Variants in DNAH12 observed in about 807,000 individuals in gnomAD.
The protein encoded by DNAH12 is axonemal beta dynein heavy chain 12.
DNAH12 carries 285 observed loss-of-function variants against 371.5 expected under a neutral mutation model. That is an observed-to-expected ratio of 0.77 (90% CI 0.70 to 0.85). DNAH12 has a LOEUF of 0.85. Ranked by LOEUF, DNAH12 falls within the 40% of genes least tolerant of loss-of-function variation. The pLI is 0.00. For synonymous variants in DNAH12, 1,200 were observed against 1,213.0 expected (o/e 0.99, Z 0.22); for missense variants, 3,611 against 3,689.4 (o/e 0.98, Z 0.55).
the DNAH12 span, among the ~76,000 whole-genome samples, chr3:57,553,556 A>C: frequency 6.6e-6 from 1 of 152,118 alleles, no homozygotes; most frequent in Non-Finnish European, 1.5e-5. Context: ...ACAGACACAC[A>C]CGTTTCCAGG....
At chr3:57,534,355 A>T (rs2068951861) in intron 2 of DNAH12, among the ~76,000 whole-genome samples, 1 of 151,978 alleles carries the variant, frequency 6.6e-6, no homozygotes, top group Admixed American at 6.6e-5. Context: ...GTTCTTATGA[A>T]GGTGTTTTTT....
At chr3:57,478,994 G>T (rs1178970843) in intron 13 of DNAH12, among the ~76,000 whole-genome samples, 1 of 152,138 alleles carries the variant, frequency 6.6e-6, no homozygotes, top group Non-Finnish European at 1.5e-5. Flanking sequence ...AGACCATCGA[G>T]GCTAGGAAGA....
intron 62 of DNAH12, among the ~76,000 whole-genome samples, chr3:57,332,143 ATTT>A (rs544520742): frequency 3.6e-4 from 55 of 152,132 alleles, no homozygotes; most frequent in Non-Finnish European, 6.9e-4. Flanking sequence ...GTCATGAATA[ATTT>A]TTTAACATTA....
chr3:57,551,420 C>T, the DNAH12 span, among the ~76,000 whole-genome samples: 1 of 151,716 alleles, frequency 6.6e-6, no homozygotes, highest in Non-Finnish European at 1.5e-5. Flanking sequence ...TACAGGCACC[C>T]ACGACCACGC....
chr3:57,311,261 G>C (rs1408017144), intron 66 of DNAH12, among the ~76,000 whole-genome samples: 1 of 152,122 alleles, frequency 6.6e-6, no homozygotes, highest in Non-Finnish European at 1.5e-5. Flanking sequence ...ATTTTTAGTA[G>C]AGACAGGGTT....
chr3:57,361,815 T>C, intron 58 of DNAH12, among the ~76,000 whole-genome samples: 1 of 152,038 alleles, frequency 6.6e-6, no homozygotes, highest in South Asian at 2.1e-4. Context: ...AATAATACCT[T>C]ACCAATCCAA....
intron 13 of DNAH12, among the ~76,000 whole-genome samples, chr3:57,474,901 G>A (rs1170245423): frequency 2.0e-5 from 3 of 151,844 alleles, no homozygotes; most frequent in Non-Finnish European, 2.9e-5. Context: ...TCTTGAACCC[G>A]GGAGGCAGAG....
chr3:57,411,660 G>A (rs1422720176), intron 39 of DNAH12, among the ~76,000 whole-genome samples: 1 of 150,694 alleles, frequency 6.6e-6, no homozygotes, highest in African/African-American at 2.4e-5. Flanking sequence ...GAGGAAAACT[G>A]TAAAACCCTG....
chr3:57,323,109 T>C lies in DNAH12; in HGVS notation c.10281A>G (p.Ala3427=). 1 of 1,552,442 alleles carries C rather than the reference T, an allele frequency of 6.4e-7. No homozygotes were observed. The highest frequency in any genetic ancestry group is 1.2e-5 in the South Asian group (1 of 84,064). The stretch of plus-strand genomic sequence containing the variant: ...TTTCCAACATGGGCATCCAGGACAC[T>C]GCAAGATGGCAATTCTGTAGGCACA... ...TWVCLQNCHL[A]VSWMPMLEKI... Residue 3427 remains alanine (A), a synonymous_variant, in exon 64 of 74, where the codon GCA becomes GCG. Transcript: ENST00000495027.
Position 57,372,112 on chromosome 3 carries a change from A to T in DNAH12, c.8759+3259T>A, listed in dbSNP as rs997784228. 5.8e-3 allele frequency among the ~76,000 whole-genome samples: 881 copies of T among 151,860 alleles called. 8 individuals carry two copies. Among genetic ancestry groups the T allele is most frequent in the African/African-American group, 0.02 (832 of 41,518 alleles). The stretch of plus-strand genomic sequence containing the variant: ...ACAATAGTTTATTGTATAATTCAAA[A>T]CTGCTAGAAAAGAAGAATTGGAATA... On this transcript the variant is annotated intron_variant, in intron 55 of 73. Coordinates refer to ENST00000495027, the MANE Select transcript of DNAH12 (RefSeq NM_001366028.2).
intron 11 of DNAH12, among the ~76,000 whole-genome samples, chr3:57,490,625 T>C (rs888953236): frequency 6.6e-6 from 1 of 152,142 alleles, no homozygotes; most frequent in African/African-American, 2.4e-5. Context: ...CCTTTTATTC[T>C]TCCTTCAGGA....
chr3:57,337,655 A>G (rs2062259273), intron 60 of DNAH12, among the ~76,000 whole-genome samples: 1 of 152,122 alleles, frequency 6.6e-6, no homozygotes, highest in African/African-American at 2.4e-5. Context: ...GTGAAACTCC[A>G]TCTCAAAAAA....
chr3:57,473,853 T>C (rs1263019550), intron 13 of DNAH12, among the ~76,000 whole-genome samples: 1 of 152,056 alleles, frequency 6.6e-6, no homozygotes, highest in Non-Finnish European at 1.5e-5. Flanking sequence ...TATTAATAGA[T>C]TAAAGAGAAA....
intron 36 of DNAH12, among the ~76,000 whole-genome samples, chr3:57,420,108 T>C (rs1159940048): frequency 6.6e-6 from 1 of 152,232 alleles, no homozygotes; most frequent in African/African-American, 2.4e-5. Flanking sequence ...GCTGTATTAA[T>C]TGTTATGATA....
At position 57,489,566 on chromosome 3, in the gene DNAH12, G is replaced by A; in HGVS notation, c.1457C>T (p.Ala486Val). The A allele has an allele frequency of 1.3e-6, 2 of 1,531,260 alleles. No homozygotes were observed. The highest frequency in any genetic ancestry group is 1.8e-6 in the Non-Finnish European group (2 of 1,140,386). 94.9% of individuals were successfully genotyped at this position (1,531,260 alleles called of 1,614,324 possible). ...LKTGLTNKAK[A>V]FANILLNDIA... ...GTCATTTAATAATATGTTTGCAAAG[G>A]CTTTTGCTTTATTTGTCAGGCCTGT... Residue 486 changes from alanine to valine, a missense_variant, in exon 12 of 74, where the codon GCC (alanine) becomes GTC (valine). Around this residue, in one of 3 missense-constraint regions of DNAH12, gnomAD observed 1,314 missense variants for 1,398.7 expected, o/e 0.94. Coordinates refer to ENST00000495027, the MANE Select transcript of DNAH12 (RefSeq NM_001366028.2).
At chr3:57,396,290 C>CAAAAAAAAAAAAAAAAAAAAA (rs1159748997) in intron 43 of DNAH12, among the ~76,000 whole-genome samples, 4 of 68,598 alleles carry the variant, frequency 5.8e-5, no homozygotes, top group Admixed American at 1.6e-4. Context: ...AAAAAAAAAA[C>CAAAAAAAAAAAAAAAAAAAAA]AAAAAAAAAA....
chr3:57,379,856 A>AT (rs2063351786), intron 51 of DNAH12, among the ~76,000 whole-genome samples: 1 of 150,150 alleles, frequency 6.7e-6, no homozygotes, highest in Non-Finnish European at 1.5e-5. Flanking sequence ...AAAAAAAAAA[A>AT]AAAAAAAAAA....
chr3:57,435,880 T>A (rs1008491752), intron 30 of DNAH12, among the ~76,000 whole-genome samples: 3 of 152,124 alleles, frequency 2.0e-5, no homozygotes, highest in Admixed American at 6.6e-5. Flanking sequence ...TTTGTATGTT[T>A]AAAAATTTAC....
intron 39 of DNAH12, 146 bp from the exon 40 acceptor site, chr3:57,408,681 T>A: frequency 9.3e-7 from 1 of 1,080,296 alleles, no homozygotes; most frequent in East Asian, 3.1e-5. Context: ...GGAGAGAAAT[T>A]TTTTTTAAAG....
Sources: allele counts gnomAD v4.1 joint callset (sites outside exome capture counted in the v4.1 genomes callset), GRCh38; gene constraint gnomAD v4.1.1; regional missense constraint gnomAD v4.1.1; transcripts MANE v1.5; gene names NCBI Gene and HGNC (gene_info 2026-07-23, HGNC 2026-07-21).